Variants in PDE4D observed in about 807,000 individuals in gnomAD.
PDE4D encodes the protein 3',5'-cyclic-AMP phosphodiesterase 4D.
A neutral mutation model predicts 87.4 loss-of-function variants in PDE4D; 24 were observed. The observed-to-expected ratio is 0.27, with a 90% CI of 0.20 to 0.39. The LOEUF (loss-of-function observed/expected upper bound fraction) is 0.39, where lower values mean the gene tolerates loss of function less well. PDE4D is among the 10% of genes least tolerant of loss of function. PDE4D has a pLI of 1.00. For synonymous variants in PDE4D, 384 were observed against 383.2 expected (o/e 1.00, Z -0.02); for missense variants, 714 against 1,041.0 (o/e 0.69, Z 4.32).
At chr5:60,050,047 G>C (rs1051305560) in intron 2 of PDE4D, among the ~76,000 whole-genome samples, 4 of 152,204 alleles carry the variant, frequency 2.6e-5, no homozygotes, top group Non-Finnish European at 4.4e-5. Context: ...CTCCAAGCCA[G>C]GTGCAGGATA....
At chr5:59,828,567 T>C (rs942022678) in intron 1 of PDE4D, among the ~76,000 whole-genome samples, 1 of 152,046 alleles carries the variant, frequency 6.6e-6, no homozygotes, top group Non-Finnish European at 1.5e-5. Flanking sequence ...AGGGCATTGT[T>C]CTATGCATGG....
intron 1 of PDE4D, among the ~76,000 whole-genome samples, chr5:60,409,837 G>A (rs1249337360): frequency 1.3e-5 from 2 of 152,196 alleles, no homozygotes; most frequent in African/African-American, 4.8e-5. Context: ...CTAGAAGAGT[G>A]TAGAGGAAAC....
At chr5:59,906,475 T>A (rs1752832739) in intron 3 of PDE4D, among the ~76,000 whole-genome samples, 1 of 152,160 alleles carries the variant, frequency 6.6e-6, no homozygotes, top group African/African-American at 2.4e-5. Context: ...TCTGTTTTTG[T>A]AAATAAAGTT....
At chr5:60,384,159 C>T (rs1367955525) in intron 1 of PDE4D, among the ~76,000 whole-genome samples, 1 of 152,138 alleles carries the variant, frequency 6.6e-6, no homozygotes, top group Admixed American at 6.5e-5. Flanking sequence ...TAAAAAACAG[C>T]AACTAGCTTA....
intron 1 of PDE4D, among the ~76,000 whole-genome samples, chr5:59,678,980 TAGAC>T (rs1292342949): frequency 2.0e-5 from 3 of 152,226 alleles, no homozygotes; most frequent in Non-Finnish European, 4.4e-5. Context: ...ACCCCTTTCC[TAGAC>T]TGAGCATTAC....
chr5:59,839,872 G>T (rs1263358590), intron 1 of PDE4D, among the ~76,000 whole-genome samples: 1 of 152,004 alleles, frequency 6.6e-6, no homozygotes, highest in Non-Finnish European at 1.5e-5. Context: ...GTTATAAACT[G>T]GACTGCTCCA....
At chr5:59,759,666 A>G (rs1157605655) in intron 1 of PDE4D, among the ~76,000 whole-genome samples, 3 of 152,128 alleles carry the variant, frequency 2.0e-5, no homozygotes, top group Admixed American at 1.3e-4. Flanking sequence ...TCCACCTCCC[A>G]TGATTTCCAC....
At chr5:60,082,965 A>T (rs558295586) in intron 2 of PDE4D, among the ~76,000 whole-genome samples, 15 of 152,158 alleles carry the variant, frequency 9.9e-5, no homozygotes, top group Non-Finnish European at 1.9e-4. Flanking sequence ...TTTGCTATAA[A>T]ACCTCTCCTC....
At chr5:59,095,190 T>C (rs972638786) in intron 5 of PDE4D, among the ~76,000 whole-genome samples, 1 of 151,670 alleles carries the variant, frequency 6.6e-6, no homozygotes, top group Non-Finnish European at 1.5e-5. Flanking sequence ...TGCTATCAAC[T>C]AATGACCCAC....
At position 58,974,131 on chromosome 5, in the gene PDE4D, A is replaced by ACTGAAC. The variant is rs1236429818; in HGVS notation, c.*527_*532dup. 5 of 152,600 alleles carry ACTGAAC rather than the reference A, an allele frequency of 3.3e-5. No homozygotes were observed. Among genetic ancestry groups the ACTGAAC allele is most frequent in the Admixed American group, 3.3e-4 (5 of 15,276 alleles). The allele number at this position is 152,600 out of a possible 1,614,324, so 9.5% of individuals were successfully genotyped here. A position where few individuals can be genotyped will look rare whatever the true frequency, so the allele number is the denominator to read the frequency against. ...CAAAATGTAGAGGTCAGTGCAGCTCACTGAACCACACTATTCAGTCATGTA... is the reference window on the plus strand; with the variant it reads ...CAAAATGTAGAGGTCAGTGCAGCTCACTGAACCTGAACCACACTATTCAGTCATGTA... On this transcript the variant is annotated 3_prime_UTR_variant, in exon 15 of 15. Transcript: ENST00000340635.
chr5:60,335,090 A>G (rs1188386338), intron 1 of PDE4D: 3 of 152,236 alleles, frequency 2.0e-5, no homozygotes, highest in Non-Finnish European at 2.9e-5. Context: ...ACCCCAAATC[A>G]TCTCCTTCCC....
At chr5:59,778,894 G>A (rs1764334103) in intron 1 of PDE4D, among the ~76,000 whole-genome samples, 1 of 152,196 alleles carries the variant, frequency 6.6e-6, no homozygotes, top group Non-Finnish European at 1.5e-5. Context: ...GGCCAGTGCA[G>A]TGGCTCACAC....
intron 1 of PDE4D, among the ~76,000 whole-genome samples, chr5:60,343,726 T>A (rs1332797935): frequency 6.6e-6 from 1 of 152,090 alleles, no homozygotes; most frequent in Non-Finnish European, 1.5e-5. Context: ...TTGAGCAGAA[T>A]CTCTACCATC....
intron 2 of PDE4D, among the ~76,000 whole-genome samples, chr5:59,196,165 A>T (rs1330344469): frequency 6.6e-6 from 1 of 152,242 alleles, no homozygotes; most frequent in East Asian, 1.9e-4. Flanking sequence ...AGTGTATTTT[A>T]TATACAATCA....
intron 1 of PDE4D, among the ~76,000 whole-genome samples, chr5:60,484,766 T>A (rs1054222251): frequency 1.3e-5 from 2 of 152,268 alleles, no homozygotes; most frequent in African/African-American, 4.8e-5. Context: ...ACTGGGAATA[T>A]GTTTTAGAAG....
chr5:59,410,776 T>C (rs963408359), intron 1 of PDE4D, among the ~76,000 whole-genome samples: 19 of 152,254 alleles, frequency 1.2e-4, no homozygotes, highest in African/African-American at 4.6e-4. Context: ...CTTCCAAATC[T>C]TAGCTATTGT....
At chr5:60,415,495 CT>C (rs1463937589) in intron 1 of PDE4D, among the ~76,000 whole-genome samples, 1 of 152,228 alleles carries the variant, frequency 6.6e-6, no homozygotes, top group Non-Finnish European at 1.5e-5. Flanking sequence ...GCGGCAGGCA[CT>C]TGAAGGCCAG....
intron 5 of PDE4D, among the ~76,000 whole-genome samples, chr5:59,061,526 G>A (rs1446719274): frequency 6.6e-6 from 1 of 152,080 alleles, no homozygotes. Context: ...TTGTCAGTGA[G>A]TCAGCCTCGT....
chr5:59,558,657 A>G (rs531521021), intron 1 of PDE4D: 7 of 152,304 alleles, frequency 4.6e-5, no homozygotes, highest in Admixed American at 4.6e-4. Flanking sequence ...AAAAATGTGC[A>G]TCTGATACCA....
Sources: gnomAD v4.1 joint callset for allele counts (sites outside exome capture counted in the v4.1 genomes callset) on GRCh38, gnomAD v4.1.1 for gene constraint, MANE v1.5 for transcripts, NCBI Gene and HGNC (gene_info 2026-07-23, HGNC 2026-07-21) for gene names.